DLG2: variants seen among roughly 807,000 people sequenced by gnomAD.
The protein encoded by DLG2 is discs large MAGUK scaffold protein 2.
DLG2 carries 45 observed loss-of-function variants against 132.5 expected under a neutral mutation model. The observed-to-expected ratio is 0.34, with a 90% CI of 0.27 to 0.44. The LOEUF (loss-of-function observed/expected upper bound fraction) is 0.44, where lower values mean the gene tolerates loss of function less well. DLG2 is among the 20% of genes least tolerant of loss of function. The pLI is 1.00. For synonymous variants in DLG2, 424 were observed against 419.6 expected (o/e 1.01, Z -0.13); for missense variants, 1,045 against 1,196.9 (o/e 0.87, Z 1.87).
intron 4 of DLG2, among the ~76,000 whole-genome samples, chr11:85,166,684 T>C (rs1347590064): frequency 6.6e-6 from 1 of 152,168 alleles, no homozygotes; most frequent in Non-Finnish European, 1.5e-5. Flanking sequence ...GCTTATATAT[T>C]TATCTTCTCC....
intron 3 of DLG2, among the ~76,000 whole-genome samples, chr11:85,596,737 A>G (rs2079799046): frequency 6.6e-6 from 1 of 152,184 alleles, no homozygotes; most frequent in Non-Finnish European, 1.5e-5. Context: ...CTCCCTACCT[A>G]TCCTTTACAA....
intron 6 of DLG2, among the ~76,000 whole-genome samples, chr11:85,041,331 T>C (rs887446395): frequency 2.6e-5 from 4 of 151,978 alleles, no homozygotes; most frequent in African/African-American, 9.7e-5. Context: ...TGCCTCTTTA[T>C]TGCTGGATTT....
chr11:83,685,214 GCACCTGTTCT>G (rs2079527700), intron 18 of DLG2, among the ~76,000 whole-genome samples: 1 of 152,166 alleles, frequency 6.6e-6, no homozygotes, highest in Non-Finnish European at 1.5e-5. Context: ...TAAGACCACA[GCACCTGTTCT>G]CTTAAATCTC....
Position 85,466,072 on chromosome 11 carries a change from T to C in DLG2, c.40+132585A>G, listed in dbSNP as rs1478986922. Among the ~76,000 whole-genome samples the C allele has an allele frequency of 5.9e-5, 9 of 152,360 alleles. No homozygotes were observed. The East Asian group carries it at 1.7e-3, about 29-fold the overall frequency. On this transcript the variant is annotated intron_variant, in intron 3 of 27. Transcript: ENST00000376104. The stretch of plus-strand genomic sequence containing the variant: ...TGATGGCCAGTGATGATGAGCATGT[T>C]TTCATGTGTCTTTTGACTACATAAA...
chr11:85,059,395 T>C (rs949914711), intron 6 of DLG2, among the ~76,000 whole-genome samples: 1 of 151,574 alleles, frequency 6.6e-6, no homozygotes, highest in African/African-American at 2.4e-5. Context: ...TTCTAAGATC[T>C]AGCAATTGTA....
chr11:84,540,812 C>A (rs938720221), intron 6 of DLG2, among the ~76,000 whole-genome samples: 15 of 152,184 alleles, frequency 9.9e-5, no homozygotes, highest in Admixed American at 2.0e-4. Context: ...CAATGATAGA[C>A]TGGATTAAGA....
chr11:85,478,554 C>G (rs541971850), intron 3 of DLG2, among the ~76,000 whole-genome samples: 1 of 152,288 alleles, frequency 6.6e-6, no homozygotes, highest in South Asian at 2.1e-4. Flanking sequence ...GACCAAAGCT[C>G]AAATCTCAAT....
At chr11:85,279,811 T>C (rs2078121709) in intron 4 of DLG2, among the ~76,000 whole-genome samples, 1 of 152,076 alleles carries the variant, frequency 6.6e-6, no homozygotes. Flanking sequence ...TACCCTACAA[T>C]AGCATGCACA....
intron 3 of DLG2, among the ~76,000 whole-genome samples, chr11:85,414,106 C>A (rs557489919): frequency 1.1e-4 from 17 of 151,870 alleles, no homozygotes; most frequent in South Asian, 8.3e-4. Flanking sequence ...CTTGTAGAGG[C>A]CTTTCACCTC....
intron 6 of DLG2, among the ~76,000 whole-genome samples, chr11:84,943,830 C>T (rs2049816185): frequency 1.3e-5 from 2 of 152,080 alleles, no homozygotes; most frequent in South Asian, 4.2e-4. Context: ...TTACTATTAC[C>T]AGTGAGTTTT....
chr11:83,769,046 G>C (rs1395017074), intron 18 of DLG2, among the ~76,000 whole-genome samples: 1 of 152,174 alleles, frequency 6.6e-6, no homozygotes, highest in Non-Finnish European at 1.5e-5. Context: ...TAAATATTTA[G>C]ACATACTGGG....
chr11:83,618,513 GTA>G (rs1159552190), intron 19 of DLG2, among the ~76,000 whole-genome samples: 8 of 152,166 alleles, frequency 5.3e-5, no homozygotes, highest in Admixed American at 5.2e-4. Context: ...CTTTAAATGA[GTA>G]TTTCTATTAT....
intron 6 of DLG2, among the ~76,000 whole-genome samples, chr11:84,808,035 G>T (rs1378929658): frequency 1.3e-5 from 2 of 151,968 alleles, no homozygotes; most frequent in African/African-American, 4.8e-5. Flanking sequence ...AAAACTAGAA[G>T]AATACATATT....
At chr11:83,464,172 C>T (rs1053312052) in intron 26 of DLG2, among the ~76,000 whole-genome samples, 1 of 152,082 alleles carries the variant, frequency 6.6e-6, no homozygotes, top group Non-Finnish European at 1.5e-5. Context: ...AGGGAGATTG[C>T]CACATGGAAA....
At chr11:84,506,818 C>A (rs1202628890) in intron 7 of DLG2, among the ~76,000 whole-genome samples, 2 of 152,088 alleles carry the variant, frequency 1.3e-5, no homozygotes, top group Admixed American at 6.5e-5. Context: ...TTTGTTGGAA[C>A]CTCAAGAACT....
chr11:85,258,575 G>C (rs1191557612), intron 4 of DLG2, among the ~76,000 whole-genome samples: 1 of 152,108 alleles, frequency 6.6e-6, no homozygotes, highest in Non-Finnish European at 1.5e-5. Flanking sequence ...TGCTAAGTGA[G>C]CATTTAGTAT....
At chr11:84,521,744 A>G (rs2099301896) in intron 7 of DLG2, among the ~76,000 whole-genome samples, 2 of 152,242 alleles carry the variant, frequency 1.3e-5, no homozygotes, top group Admixed American at 6.5e-5. Context: ...TAAGAGAAGT[A>G]AAACCTACTT....
intron 3 of DLG2, among the ~76,000 whole-genome samples, chr11:85,583,524 T>C (rs1185666559): frequency 6.6e-6 from 1 of 152,038 alleles, no homozygotes; most frequent in Non-Finnish European, 1.5e-5. Flanking sequence ...TAGGTTATTA[T>C]TGAAATGTTT....
chr11:84,926,297 A>G (rs1263681745), intron 6 of DLG2, among the ~76,000 whole-genome samples: 2 of 152,054 alleles, frequency 1.3e-5, no homozygotes, highest in African/African-American at 4.8e-5. Flanking sequence ...GGAATTATCT[A>G]TCAAATATTT....
Sources: allele counts gnomAD v4.1 joint callset (sites outside exome capture counted in the v4.1 genomes callset), GRCh38; gene constraint gnomAD v4.1.1; transcripts MANE v1.5; gene names NCBI Gene and HGNC (gene_info 2026-07-23, HGNC 2026-07-21).